Variants in ASIC2 observed in about 807,000 individuals in gnomAD.
ASIC2 encodes acid-sensing ion channel 2.
ASIC2 carries 25 observed loss-of-function variants against 57.3 expected under a neutral mutation model. That is an observed-to-expected ratio of 0.44 (90% CI 0.32 to 0.61). ASIC2 has a LOEUF of 0.61. Among genes scored for constraint, ASIC2 ranks in the 20% least tolerant of loss-of-function variants. The probability of loss-of-function intolerance (pLI) is 0.06; values close to 1 mark genes in which losing one functional copy is unlikely to be tolerated. For missense variants in ASIC2, 641 were observed against 738.1 expected (o/e 0.87, Z 1.52); for synonymous variants, 319 against 307.5 (o/e 1.04, Z -0.39).
chr17:34,018,523 T>C (rs187964552), intron 1 of ASIC2, among the ~76,000 whole-genome samples: 4 of 152,324 alleles, frequency 2.6e-5, no homozygotes. Flanking sequence ...CTGCCACAGA[T>C]AGTGATTAGT....
intron 1 of ASIC2, among the ~76,000 whole-genome samples, chr17:33,203,480 C>T (rs1382385774): frequency 6.6e-6 from 1 of 152,298 alleles, no homozygotes; most frequent in East Asian, 1.9e-4. Flanking sequence ...TCCCCACGTG[C>T]CCACTCCCAT....
chr17:33,985,843 A>G (rs902238676), intron 1 of ASIC2, among the ~76,000 whole-genome samples: 2 of 152,198 alleles, frequency 1.3e-5, no homozygotes, highest in Non-Finnish European at 2.9e-5. Flanking sequence ...CCTTCTCCCT[A>G]TGTCCAGGTC....
At chr17:33,939,505 C>T (rs1916138830) in intron 1 of ASIC2, among the ~76,000 whole-genome samples, 1 of 152,224 alleles carries the variant, frequency 6.6e-6, no homozygotes, top group Non-Finnish European at 1.5e-5. Context: ...CTAGACTCCT[C>T]TAATTCCCTG....
intron 1 of ASIC2, among the ~76,000 whole-genome samples, chr17:33,461,242 G>A (rs1043306202): frequency 7.2e-5 from 11 of 152,166 alleles, no homozygotes; most frequent in African/African-American, 2.2e-4. Flanking sequence ...ATTCCTTTAC[G>A]TTTAGATAAA....
chr17:33,699,111 A>T (rs544042373), intron 1 of ASIC2, among the ~76,000 whole-genome samples: 1 of 152,312 alleles, frequency 6.6e-6, no homozygotes, highest in Admixed American at 6.5e-5. Context: ...TTCTTAGCCA[A>T]CTGAGTTTTC....
At chr17:33,175,499 A>G (rs1214037565) in intron 1 of ASIC2, among the ~76,000 whole-genome samples, 1 of 148,000 alleles carries the variant, frequency 6.8e-6, no homozygotes, top group African/African-American at 2.5e-5. Context: ...GAGAGAAAAA[A>G]AGGATTCACA....
chr17:33,845,039 A>G (rs892429130), intron 1 of ASIC2, among the ~76,000 whole-genome samples: 1 of 152,232 alleles, frequency 6.6e-6, no homozygotes, highest in African/African-American at 2.4e-5. Flanking sequence ...TTTTAACCAC[A>G]TTGAAAATAT....
At chr17:33,754,461 T>A (rs1007243142) in intron 1 of ASIC2, among the ~76,000 whole-genome samples, 2 of 152,036 alleles carry the variant, frequency 1.3e-5, no homozygotes, top group Admixed American at 6.5e-5. Flanking sequence ...CCTGAGCTCC[T>A]GGGGGCTTCC....
chr17:33,830,596 T>TG (rs748186484), intron 1 of ASIC2, among the ~76,000 whole-genome samples: 6 of 152,156 alleles, frequency 3.9e-5, no homozygotes, highest in Middle Eastern at 3.4e-3. Flanking sequence ...ATGCAGAAAG[T>TG]GCAAGTTTGT....
intron 1 of ASIC2, among the ~76,000 whole-genome samples, chr17:33,903,198 C>T (rs1341368056): frequency 2.0e-5 from 3 of 152,162 alleles, no homozygotes; most frequent in East Asian, 1.9e-4. Context: ...GCACCTTTGA[C>T]CTTCTTTTTC....
chr17:33,223,073 A>G (rs762972617), intron 1 of ASIC2, among the ~76,000 whole-genome samples: 25 of 152,360 alleles, frequency 1.6e-4, no homozygotes, highest in Non-Finnish European at 2.8e-4. Flanking sequence ...TTGATGTACT[A>G]AAAGGCCTAA....
At chr17:33,610,567 C>T (rs1035241807) in intron 1 of ASIC2, among the ~76,000 whole-genome samples, 4 of 151,880 alleles carry the variant, frequency 2.6e-5, no homozygotes, top group Admixed American at 6.6e-5. Flanking sequence ...AAGGACAGGA[C>T]GCAATTGGAA....
intron 1 of ASIC2, among the ~76,000 whole-genome samples, chr17:33,662,489 G>C (rs1224835654): frequency 6.6e-6 from 1 of 151,378 alleles, no homozygotes; most frequent in Non-Finnish European, 1.5e-5. Flanking sequence ...GGTGTGGTGG[G>C]GGGGGCACCT....
At chr17:33,818,229 A>G (rs1316588425) in intron 1 of ASIC2, among the ~76,000 whole-genome samples, 1 of 152,204 alleles carries the variant, frequency 6.6e-6, no homozygotes, top group Non-Finnish European at 1.5e-5. Context: ...GGAAACTACA[A>G]TCTGCTACAA....
intron 1 of ASIC2, among the ~76,000 whole-genome samples, chr17:33,458,200 A>G (rs974943148): frequency 5.9e-5 from 9 of 152,158 alleles, no homozygotes; most frequent in African/African-American, 1.9e-4. Flanking sequence ...GTGGTTGGGG[A>G]ACAAGAAACT....
At chr17:33,993,179 C>T (rs943323620) in intron 1 of ASIC2, among the ~76,000 whole-genome samples, 1 of 152,122 alleles carries the variant, frequency 6.6e-6, no homozygotes, top group African/African-American at 2.4e-5. Flanking sequence ...ATTCAGGGAG[C>T]CTGAAAGTCA....
chr17:34,032,477 A>T (rs1054539538), intron 1 of ASIC2, among the ~76,000 whole-genome samples: 3 of 152,222 alleles, frequency 2.0e-5, no homozygotes, highest in African/African-American at 7.2e-5. Flanking sequence ...TAACCAGCTA[A>T]CATCATTATG....
At chr17:34,028,746 C>A (rs559628863) in intron 1 of ASIC2, among the ~76,000 whole-genome samples, 2 of 152,272 alleles carry the variant, frequency 1.3e-5, no homozygotes, top group East Asian at 3.9e-4. Context: ...TACATGAAAT[C>A]CTCTCCTCAC....
chr17:33,094,675 C>A (rs933632704), intron 2 of ASIC2, among the ~76,000 whole-genome samples: 1 of 152,282 alleles, frequency 6.6e-6, no homozygotes, highest in South Asian at 2.1e-4. Flanking sequence ...GGAGACCTCA[C>A]TCCCTGCAGG....
Sources: allele counts gnomAD v4.1 joint callset (sites outside exome capture counted in the v4.1 genomes callset), GRCh38; gene constraint gnomAD v4.1.1; transcripts MANE v1.5; gene names NCBI Gene and HGNC (gene_info 2026-07-23, HGNC 2026-07-21).